FXN: variants seen among roughly 807,000 people sequenced by gnomAD.
The protein encoded by FXN is frataxin.
In FXN, 14 loss-of-function variants were observed where a neutral mutation model predicts 22.4. That is an observed-to-expected ratio of 0.62 (90% CI 0.41 to 0.98). FXN has a LOEUF of 0.98. Among genes scored for constraint, FXN ranks in the 50% least tolerant of loss-of-function variants. The probability of loss-of-function intolerance (pLI) is 0.00; values close to 1 mark genes in which losing one functional copy is unlikely to be tolerated. For synonymous variants in FXN, 120 were observed against 114.1 expected (o/e 1.05, Z -0.33); for missense variants, 267 against 268.4 (o/e 0.99, Z 0.04).
intron 1 of FXN, among the ~76,000 whole-genome samples, chr9:69,042,406 T>C (rs1000517863): frequency 5.9e-5 from 9 of 152,124 alleles, no homozygotes; most frequent in Non-Finnish European, 1.5e-5. Context: ...GGCTCTGTAC[T>C]TGGGGTATTT....
At chr9:69,066,884 A>G (rs996856048) in intron 4 of FXN, among the ~76,000 whole-genome samples, 2 of 151,416 alleles carry the variant, frequency 1.3e-5, no homozygotes, top group Non-Finnish European at 2.9e-5. Flanking sequence ...ATATATATAT[A>G]TGGGGGACGG....
intron 2 of FXN, among the ~76,000 whole-genome samples, chr9:69,052,560 T>G (rs1587821411): frequency 1.3e-5 from 1 of 75,720 alleles, no homozygotes; most frequent in African/African-American, 5.2e-5. Flanking sequence ...TTTTTTTTTT[T>G]GAGACAGAGT....
intron 3 of FXN, among the ~76,000 whole-genome samples, chr9:69,054,436 G>A (rs574316873): frequency 2.6e-5 from 4 of 151,914 alleles, no homozygotes; most frequent in Non-Finnish European, 5.9e-5. Flanking sequence ...TTATTGCTTA[G>A]GCCTTAAAGT....
chr9:69,036,043 C>T (rs1831545471), intron 1 of FXN, 96 bp downstream of exon 1: 3 of 1,091,778 alleles, frequency 2.7e-6, no homozygotes, highest in Non-Finnish European at 3.4e-6. Flanking sequence ...GGGGTCGCTC[C>T]GGGTACGCGC....
chr9:69,039,817 A>G (rs1831624295), intron 1 of FXN, among the ~76,000 whole-genome samples: 1 of 152,106 alleles, frequency 6.6e-6, no homozygotes, highest in Non-Finnish European at 1.5e-5. Flanking sequence ...ATATGGTAAA[A>G]AATTTTCTTC....
chr9:69,053,558 A>T (rs965358309), intron 3 of FXN, among the ~76,000 whole-genome samples: 2 of 152,126 alleles, frequency 1.3e-5, no homozygotes, highest in African/African-American at 4.8e-5. Context: ...GATAAGATAG[A>T]TAAGACAAGA....
chr9:69,075,413 TC>T lies in FXN; in HGVS notation c.*2652del. ...GGGTGGAGGTTGCAGTGAGACGAGA[TC>T]ATGCCACTTCACTCCAGCCTGGCCA... is the stretch of plus-strand genomic sequence containing the variant. On this transcript the variant is annotated 3_prime_UTR_variant, in exon 5 of 5. Transcript: ENST00000484259. 1.2e-6 allele frequency: 1 copy of T among 856,530 alleles called. No individual in the cohort carries two copies. The highest frequency in any genetic ancestry group is 1.4e-6 in the Non-Finnish European group (1 of 713,306). The allele number at this position is 856,530 out of a possible 1,614,324, so 53.1% of individuals were successfully genotyped here.
Position 69,078,593 on chromosome 9 carries a change from ACT to A in FXN, c.*5834_*5835del. On this transcript the variant is annotated 3_prime_UTR_variant, in exon 5 of 5. Transcript: ENST00000484259. ...TTCTGACTGAACTGTTCAGGCACTG[ACT>A]CTACATATAATTATGCTTTTCTACC... is the stretch of plus-strand genomic sequence containing the variant. 1.0e-6 allele frequency: 1 copy of A among 985,512 alleles called. No individual in the cohort carries two copies. Among genetic ancestry groups the A allele is most frequent in the South Asian group, 4.7e-5 (1 of 21,262 alleles). 61.0% of individuals were successfully genotyped at this position (985,512 alleles called of 1,614,324 possible). A position where few individuals can be genotyped will look rare whatever the true frequency, so the allele number is the denominator to read the frequency against.
At chr9:69,058,151 G>A (rs1831996211) in intron 3 of FXN, among the ~76,000 whole-genome samples, 1 of 152,162 alleles carries the variant, frequency 6.6e-6, no homozygotes, top group Non-Finnish European at 1.5e-5. Flanking sequence ...CTGTGGAGTG[G>A]GAGACTTAAG....
chr9:69,066,869 A>AATATAT (rs1554762061), intron 4 of FXN, among the ~76,000 whole-genome samples: 1 of 144,838 alleles, frequency 6.9e-6, no homozygotes. Context: ...AAAAAAAAAA[A>AATATAT]ATATATATAT....
Position 69,074,383 on chromosome 9 carries a change from T to C in FXN, c.*1621T>C, listed in dbSNP as rs750025330. The C allele has an allele frequency of 1.1e-5, 11 of 984,958 alleles. No homozygotes were observed. Among genetic ancestry groups the C allele is most frequent in the Non-Finnish European group, 1.3e-5 (11 of 829,654 alleles). 61.0% of individuals were successfully genotyped at this position (984,958 alleles called of 1,614,324 possible). ...TTTTCTTACTTAAAGAAGGATTTAT[T>C]AGTGGCTGGGCATGGTGGCGTGCAC... On this transcript the variant is annotated 3_prime_UTR_variant, in exon 5 of 5. Coordinates refer to ENST00000484259, the MANE Select transcript of FXN (RefSeq NM_000144.5).
At chr9:69,067,032 G>T (rs1405290260) in intron 4 of FXN, among the ~76,000 whole-genome samples, 2 of 152,218 alleles carry the variant, frequency 1.3e-5, no homozygotes, top group Non-Finnish European at 2.9e-5. Context: ...GGCCACCGCC[G>T]GATGGGAGTC....
At chr9:69,064,529 G>A (rs552217323) in intron 3 of FXN, among the ~76,000 whole-genome samples, 41 of 152,232 alleles carry the variant, frequency 2.7e-4, no homozygotes, top group African/African-American at 9.4e-4. Context: ...TTGAGTTGAC[G>A]TGGTACTCTA....
At chr9:69,053,394 C>G in intron 3 of FXN, 134 bp downstream of exon 3, 1 of 1,142,350 alleles carries the variant, frequency 8.8e-7, no homozygotes, top group Non-Finnish European at 1.3e-6. Flanking sequence ...GACTAGGGTT[C>G]CGGGAGGTGA....
At chr9:69,071,101 A>G in intron 4 of FXN, 1 of 475,464 alleles carries the variant, frequency 2.1e-6, no homozygotes, top group Non-Finnish European at 4.2e-6. Context: ...ACACGTGGGC[A>G]TCAGTGCCTG....
At chr9:69,070,166 T>C (rs1832248752) in intron 4 of FXN, among the ~76,000 whole-genome samples, 1 of 149,402 alleles carries the variant, frequency 6.7e-6, no homozygotes, top group African/African-American at 2.5e-5. Flanking sequence ...GGGGCAGAGG[T>C]TGCAGTGAGC....
chr9:69,056,559 C>T (rs576761640), intron 3 of FXN, among the ~76,000 whole-genome samples: 47 of 152,202 alleles, frequency 3.1e-4, no homozygotes, highest in African/African-American at 1.0e-3. Flanking sequence ...ACTGGGAGTT[C>T]GAGGCAGCTG....
In FXN at chr9:69,077,270, C is replaced by T. The variant is rs529810877; in HGVS notation, c.*4508C>T. 3.2e-5 allele frequency: 32 copies of T among 985,398 alleles called. No individual in the cohort carries two copies. In the African/African-American group the frequency reaches 4.0e-4, roughly 12 times the overall value. The allele number at this position is 985,398 out of a possible 1,614,324, so 61.0% of individuals were successfully genotyped here. A position where few individuals can be genotyped will look rare whatever the true frequency, so the allele number is the denominator to read the frequency against. On this transcript the variant is annotated 3_prime_UTR_variant, in exon 5 of 5. Transcript: ENST00000484259. ...TAGCCAGGACACTTGGAGTGCATCCCGAAGTACCTGATCAGTGGCCCCTTT... is the reference window on the plus strand; with the variant it reads ...TAGCCAGGACACTTGGAGTGCATCCTGAAGTACCTGATCAGTGGCCCCTTT...
chr9:69,047,231 C>T (rs1335581055), intron 2 of FXN, among the ~76,000 whole-genome samples: 1 of 152,160 alleles, frequency 6.6e-6, no homozygotes, highest in African/African-American at 2.4e-5. Context: ...AACCGATGCC[C>T]ATGTGGTCAC....
Sources: gnomAD v4.1 joint callset for allele counts (sites outside exome capture counted in the v4.1 genomes callset) on GRCh38, gnomAD v4.1.1 for gene constraint, MANE v1.5 for transcripts, NCBI Gene and HGNC (gene_info 2026-07-23, HGNC 2026-07-21) for gene names.